Variants in ASTN1 observed in about 807,000 individuals in gnomAD.
ASTN1 encodes the protein astrotactin 1, also known as astrotactin-1.
In ASTN1, 41 loss-of-function variants were observed where a neutral mutation model predicts 140.7. The observed-to-expected ratio is 0.29, with a 90% CI of 0.23 to 0.38. The LOEUF is 0.38. Ranked by LOEUF, ASTN1 falls within the 10% of genes least tolerant of loss-of-function variation. The pLI, the probability that ASTN1 is intolerant of heterozygous loss-of-function variation, is 1.00. For missense variants in ASTN1, 1,479 were observed against 1,678.8 expected (o/e 0.88, Z 2.08); for synonymous variants, 640 against 652.2 (o/e 0.98, Z 0.29).
chr1:176,890,850 A>C (rs990618512), intron 17 of ASTN1, among the ~76,000 whole-genome samples: 1 of 151,972 alleles, frequency 6.6e-6, no homozygotes, highest in African/African-American at 2.4e-5. Flanking sequence ...ATGTGGCAAA[A>C]CCTCATCTCT....
chr1:176,947,954 C>A (rs1241062311), intron 12 of ASTN1, among the ~76,000 whole-genome samples: 1 of 152,110 alleles, frequency 6.6e-6, no homozygotes, highest in Non-Finnish European at 1.5e-5. Flanking sequence ...AATGGGTCAA[C>A]CCTAATGATA....
At chr1:177,049,355 T>C (rs1677417656) in intron 2 of ASTN1, among the ~76,000 whole-genome samples, 1 of 152,184 alleles carries the variant, frequency 6.6e-6, no homozygotes, top group Admixed American at 6.5e-5. Context: ...TAATCAACTA[T>C]AACATCAAAC....
chr1:177,132,910 C>T (rs1015518940), intron 1 of ASTN1, among the ~76,000 whole-genome samples: 1 of 152,152 alleles, frequency 6.6e-6, no homozygotes, highest in African/African-American at 2.4e-5. Flanking sequence ...GGGGTAAAAA[C>T]ATGAGGGAGA....
intron 2 of ASTN1, among the ~76,000 whole-genome samples, chr1:177,042,594 T>G (rs906402900): frequency 3.3e-5 from 5 of 152,252 alleles, no homozygotes; most frequent in Non-Finnish European, 7.3e-5. Flanking sequence ...CTGTTTATTG[T>G]GTTTACCACA....
intron 7 of ASTN1, among the ~76,000 whole-genome samples, chr1:177,015,521 A>G (rs1188376689): frequency 6.6e-6 from 1 of 152,200 alleles, no homozygotes; most frequent in African/African-American, 2.4e-5. Context: ...TCTGGGTTTT[A>G]GCTTTTAAGT....
intron 5 of ASTN1, among the ~76,000 whole-genome samples, chr1:177,027,373 G>A (rs1172488573): frequency 1.3e-5 from 2 of 151,834 alleles, no homozygotes; most frequent in South Asian, 2.1e-4. Flanking sequence ...GACTTGCTAC[G>A]GATATTCCTG....
intron 16 of ASTN1, among the ~76,000 whole-genome samples, chr1:176,918,539 C>T (rs1670590615): frequency 6.6e-6 from 1 of 152,170 alleles, no homozygotes; most frequent in African/African-American, 2.4e-5. Context: ...AAGCAAATAT[C>T]TAGGAACTCT....
chr1:176,874,221 T>G (rs1461457729), intron 21 of ASTN1, among the ~76,000 whole-genome samples: 2 of 152,230 alleles, frequency 1.3e-5, no homozygotes, highest in Non-Finnish European at 2.9e-5. Context: ...TCATGGGTCC[T>G]CTGCAGACAG....
chr1:177,022,355 G>A (rs769484906), intron 7 of ASTN1, among the ~76,000 whole-genome samples: 20 of 152,134 alleles, frequency 1.3e-4, no homozygotes, highest in East Asian at 3.9e-4. Context: ...TCACTTTAAC[G>A]CTTTCCTTTG....
intron 8 of ASTN1, among the ~76,000 whole-genome samples, chr1:176,994,018 C>CGTGTGTGTGTGT (rs66820378): frequency 4.0e-5 from 3 of 74,242 alleles, no homozygotes; most frequent in African/African-American, 6.4e-5. Flanking sequence ...TGTGTGTGTA[C>CGTGTGTGTGTGT]GTGTGTGTGT....
chr1:176,876,322 T>C (rs1668559163), intron 21 of ASTN1, among the ~76,000 whole-genome samples: 1 of 152,144 alleles, frequency 6.6e-6, no homozygotes, highest in Non-Finnish European at 1.5e-5. Flanking sequence ...CCTGACTTAA[T>C]GACTGTGTGG....
At chr1:176,988,270 C>G (rs146121177) in intron 8 of ASTN1, among the ~76,000 whole-genome samples, 82 of 148,560 alleles carry the variant, frequency 5.5e-4, no homozygotes, top group African/African-American at 1.9e-3. Flanking sequence ...AACAAAGGAC[C>G]CTGCCAAAAC....
At chr1:176,941,795 C>G (rs555991746) in intron 14 of ASTN1, among the ~76,000 whole-genome samples, 1 of 152,210 alleles carries the variant, frequency 6.6e-6, no homozygotes, top group Non-Finnish European at 1.5e-5. Context: ...TATCTTATTA[C>G]TGGTGTGGTA....
chr1:177,151,949 T>C (rs972949432), intron 1 of ASTN1, among the ~76,000 whole-genome samples: 5 of 152,126 alleles, frequency 3.3e-5, no homozygotes, highest in African/African-American at 9.7e-5. Context: ...TTTGCCATTG[T>C]GCTTTTTTAG....
intron 3 of ASTN1, 50 bp from the exon 4 acceptor site, chr1:177,031,002 A>G (rs773722416): frequency 1.3e-6 from 2 of 1,571,546 alleles, no homozygotes; most frequent in Non-Finnish European, 1.7e-6. Context: ...AGACCAAAAG[A>G]AAGGGAGAAG....
chr1:177,000,552 T>C (rs1258805767), intron 8 of ASTN1, among the ~76,000 whole-genome samples: 1 of 152,180 alleles, frequency 6.6e-6, no homozygotes, highest in Non-Finnish European at 1.5e-5. Flanking sequence ...TATATAGTGG[T>C]CCTATTTGCT....
chr1:177,096,913 C>T (rs1345889220), intron 1 of ASTN1, among the ~76,000 whole-genome samples: 5 of 152,202 alleles, frequency 3.3e-5, no homozygotes, highest in Admixed American at 6.5e-5. Flanking sequence ...TTGCCTTTTC[C>T]GTCATGTGAA....
At chr1:177,072,092 C>G (rs1015290455) in intron 1 of ASTN1, among the ~76,000 whole-genome samples, 2 of 152,170 alleles carry the variant, frequency 1.3e-5, no homozygotes, top group African/African-American at 2.4e-5. Flanking sequence ...TGACTCCTGG[C>G]ACAGTGCTCT....
rs539834867 is a variant in ASTN1, at chr1:177,159,003, G to A, written c.283+5391C>T. On this transcript the variant is annotated intron_variant, in intron 1 of 22. Coordinates refer to ENST00000361833, the MANE Select transcript of ASTN1 (RefSeq NM_004319.3). Reference sequence around the variant, plus strand: ...AATTCCTTGAATCTGAGAGGTGGAGGTTGCAGTGACCCAAGATTGTGCCAC... The same window carrying A: ...AATTCCTTGAATCTGAGAGGTGGAGATTGCAGTGACCCAAGATTGTGCCAC... Among the ~76,000 whole-genome samples, 7 of 146,304 alleles carry A rather than the reference G, an allele frequency of 4.8e-5. No homozygotes were observed. In the South Asian group the frequency reaches 1.1e-3, roughly 23 times the overall value.
Sources: gnomAD v4.1 joint callset for allele counts (sites outside exome capture counted in the v4.1 genomes callset) on GRCh38, gnomAD v4.1.1 for gene constraint, MANE v1.5 for transcripts, NCBI Gene and HGNC (gene_info 2026-07-23, HGNC 2026-07-21) for gene names.